The following TNR variants were observed in gnomAD, a reference collection of about 807,000 sequenced individuals.
TNR encodes the protein tenascin R.
Under a neutral mutation model 150.4 loss-of-function variants are expected in TNR, and 45 were observed. The ratio of observed to expected loss-of-function variants is 0.30; its 90% CI spans 0.24 to 0.38. The LOEUF (loss-of-function observed/expected upper bound fraction) is 0.38, where lower values mean the gene tolerates loss of function less well. TNR is among the 10% of genes least tolerant of loss of function. The probability of loss-of-function intolerance (pLI) is 1.00; values close to 1 mark genes in which losing one functional copy is unlikely to be tolerated. For synonymous variants in TNR, 687 were observed against 678.4 expected (o/e 1.01, Z -0.20); for missense variants, 1,544 against 1,759.1 (o/e 0.88, Z 2.19).
At chr1:175,514,294 C>T (rs1388265828) in intron 2 of TNR, among the ~76,000 whole-genome samples, 2 of 152,176 alleles carry the variant, frequency 1.3e-5, no homozygotes, top group African/African-American at 4.8e-5. Flanking sequence ...AGGAAGAGGA[C>T]ACCAGCCAAA....
At chr1:175,677,367 G>A (rs1571742223) in intron 1 of TNR, among the ~76,000 whole-genome samples, 2 of 152,272 alleles carry the variant, frequency 1.3e-5, no homozygotes, top group East Asian at 3.9e-4. Flanking sequence ...CCTGGGCACT[G>A]CTGTCTCTCT....
intron 18 of TNR, among the ~76,000 whole-genome samples, chr1:175,341,874 T>C (rs1310717108): frequency 6.6e-6 from 1 of 152,238 alleles, no homozygotes; most frequent in Non-Finnish European, 1.5e-5. Flanking sequence ...TGGTTGACTC[T>C]CCCTTGTTAG....
intron 1 of TNR, among the ~76,000 whole-genome samples, chr1:175,728,448 C>T (rs1667540730): frequency 6.6e-6 from 1 of 152,154 alleles, no homozygotes; most frequent in Non-Finnish European, 1.5e-5. Flanking sequence ...TCCTGTGTAC[C>T]ATCTGTCCTT....
chr1:175,399,412 A>T (rs1330609147), intron 4 of TNR, among the ~76,000 whole-genome samples: 1 of 152,238 alleles, frequency 6.6e-6, no homozygotes, highest in African/African-American at 2.4e-5. Flanking sequence ...AAAGAGGTGC[A>T]GAAGGATTTT....
intron 1 of TNR, among the ~76,000 whole-genome samples, chr1:175,621,868 A>G (rs1663987202): frequency 6.6e-6 from 1 of 152,222 alleles, no homozygotes; most frequent in African/African-American, 2.4e-5. Context: ...TTTGTATCGC[A>G]CAAAGGTTAA....
intron 8 of TNR, among the ~76,000 whole-genome samples, chr1:175,384,700 G>A (rs955578851): frequency 1.3e-5 from 2 of 152,146 alleles, no homozygotes; most frequent in African/African-American, 2.4e-5. Flanking sequence ...AGGCTGTTCC[G>A]AGGGTTCAGG....
At chr1:175,572,438 A>G (rs1168081793) in intron 1 of TNR, among the ~76,000 whole-genome samples, 1 of 152,196 alleles carries the variant, frequency 6.6e-6, no homozygotes, top group African/African-American at 2.4e-5. Flanking sequence ...AATGGGCCCA[A>G]AGAAAAAAAA....
chr1:175,358,707 C>A (rs576565500), intron 15 of TNR, among the ~76,000 whole-genome samples: 1 of 152,326 alleles, frequency 6.6e-6, no homozygotes, highest in Non-Finnish European at 1.5e-5. Context: ...GGACTCAACT[C>A]TATTTTGCTT....
At chr1:175,398,567 T>C (rs1254842910) in intron 4 of TNR, among the ~76,000 whole-genome samples, 1 of 152,210 alleles carries the variant, frequency 6.6e-6, no homozygotes. Context: ...TTTTGCATGA[T>C]TATACTGAGC....
At chr1:175,680,974 G>C (rs952016827) in intron 1 of TNR, among the ~76,000 whole-genome samples, 14 of 152,186 alleles carry the variant, frequency 9.2e-5, no homozygotes, top group Non-Finnish European at 2.1e-4. Flanking sequence ...GTTTCCCCCT[G>C]TGCAAATGGG....
chr1:175,688,630 G>A (rs1220021211), intron 1 of TNR, among the ~76,000 whole-genome samples: 1 of 152,236 alleles, frequency 6.6e-6, no homozygotes, highest in African/African-American at 2.4e-5. Flanking sequence ...TTTGCATGGT[G>A]TGGGTACCTG....
At chr1:175,384,605 T>C in intron 8 of TNR, among the ~76,000 whole-genome samples, 1 of 152,236 alleles carries the variant, frequency 6.6e-6, no homozygotes, top group East Asian at 1.9e-4. Flanking sequence ...TGTCTCTCTT[T>C]TGCTGGAGAA....
chr1:175,413,277 C>T (rs997959947), intron 2 of TNR, among the ~76,000 whole-genome samples: 3 of 152,350 alleles, frequency 2.0e-5, no homozygotes, highest in South Asian at 4.1e-4. Context: ...CCACCTGCCT[C>T]GGCCTCCCAA....
At chr1:175,417,669 C>A (rs1481756640) in intron 2 of TNR, among the ~76,000 whole-genome samples, 1 of 151,912 alleles carries the variant, frequency 6.6e-6, no homozygotes, top group Non-Finnish European at 1.5e-5. Flanking sequence ...CATTGAAACC[C>A]TTTAGAAACA....
intron 1 of TNR, among the ~76,000 whole-genome samples, chr1:175,640,804 T>C (rs960108520): frequency 1.3e-5 from 2 of 151,848 alleles, no homozygotes; most frequent in Admixed American, 6.6e-5. Context: ...TATATATATA[T>C]ATATATGATA....
chr1:175,407,748 A>G (rs535138105), intron 2 of TNR, among the ~76,000 whole-genome samples: 4 of 152,272 alleles, frequency 2.6e-5, no homozygotes, highest in South Asian at 2.1e-4. Flanking sequence ...AGGAGTCTAC[A>G]TGACCCTCAG....
rs766850258 is a variant in TNR at position 175,365,949 on chromosome 1, G to A, written c.2243C>T (p.Ala748Val). ...SYTLTDLEPG[A>V]EYIISVTAER... ...AGCAGTGACGGAAATGATGTACTCT[G>A]CCCCAGGCTCTAGATCTGTTAGTGT... The change falls in exon 11 of 23, where the codon GCA becomes GTA. Residue 748 changes from alanine to valine, a missense_variant. Around this residue, in one of 2 missense-constraint regions of TNR, gnomAD observed 1,254 missense variants for 1,329.4 expected, o/e 0.94. Coordinates refer to ENST00000367674, the MANE Select transcript of TNR (RefSeq NM_003285.3). The A allele has an allele frequency of 1.9e-6, 3 of 1,614,140 alleles. No homozygotes were observed. Among genetic ancestry groups the A allele is most frequent in the Non-Finnish European group, 2.5e-6 (3 of 1,179,998 alleles).
At chr1:175,368,486 T>A (rs1244435620) in intron 9 of TNR, among the ~76,000 whole-genome samples, 1 of 152,224 alleles carries the variant, frequency 6.6e-6, no homozygotes, top group Non-Finnish European at 1.5e-5. Context: ...ACCTGGATAG[T>A]ACAGGCTAGT....
At chr1:175,329,614 G>T (rs1649610216) in intron 21 of TNR, among the ~76,000 whole-genome samples, 1 of 152,176 alleles carries the variant, frequency 6.6e-6, no homozygotes. Flanking sequence ...TGTATGATTT[G>T]CACTAATTCA....
Sources: allele counts gnomAD v4.1 joint callset (sites outside exome capture counted in the v4.1 genomes callset), GRCh38; gene constraint gnomAD v4.1.1; regional missense constraint gnomAD v4.1.1; transcripts MANE v1.5; gene names NCBI Gene and HGNC (gene_info 2026-07-23, HGNC 2026-07-21).